RALGPS2: variants seen among roughly 807,000 people sequenced by gnomAD.
The protein encoded by RALGPS2 is ras-specific guanine nucleotide-releasing factor RalGPS2.
RALGPS2 carries 43 observed loss-of-function variants against 86.8 expected under a neutral mutation model. The observed-to-expected ratio is 0.50, with a 90% CI of 0.39 to 0.64. RALGPS2 has a LOEUF of 0.64. Among genes scored for constraint, RALGPS2 ranks in the 30% least tolerant of loss-of-function variants. RALGPS2 has a pLI of 0.00. For synonymous variants in RALGPS2, 243 were observed against 231.3 expected, an observed-to-expected ratio of 1.05 and a Z score of -0.46; for missense variants, 536 against 694.6, an observed-to-expected ratio of 0.77 and a Z score of 2.57.
intron 6 of RALGPS2, among the ~76,000 whole-genome samples, chr1:178,813,825 A>G: frequency 6.6e-6 from 1 of 152,188 alleles, no homozygotes; most frequent in South Asian, 2.1e-4. Context: ...CACATTATCA[A>G]GTGGAATCTC....
intron 14 of RALGPS2, among the ~76,000 whole-genome samples, chr1:178,890,892 A>G (rs1028711009): frequency 6.6e-6 from 1 of 152,036 alleles, no homozygotes; most frequent in Non-Finnish European, 1.5e-5. Context: ...CTGAAATGTG[A>G]AAAACACAAG....
At chr1:178,735,527 A>C (rs1350649370) in intron 1 of RALGPS2, among the ~76,000 whole-genome samples, 1 of 148,462 alleles carries the variant, frequency 6.7e-6, no homozygotes, top group Non-Finnish European at 1.5e-5. Flanking sequence ...TGCTTCAAGC[A>C]GTTCTCCTGC....
chr1:178,899,432 T>A (rs954575519), intron 17 of RALGPS2, among the ~76,000 whole-genome samples: 20 of 151,786 alleles, frequency 1.3e-4, no homozygotes, highest in African/African-American at 4.8e-4. Context: ...CAGGTCTATA[T>A]CTATATTTGG....
At chr1:178,871,172 C>T (rs1246139349) in intron 8 of RALGPS2, 3 of 151,890 alleles carry the variant, frequency 2.0e-5, no homozygotes, top group African/African-American at 7.3e-5. Context: ...GCGGGAATCT[C>T]CTTAGGATTT....
chr1:178,770,406 A>G (rs1488924529), intron 1 of RALGPS2, among the ~76,000 whole-genome samples: 2 of 152,080 alleles, frequency 1.3e-5, no homozygotes, highest in Non-Finnish European at 2.9e-5. Context: ...TGTTGGGGGG[A>G]AAAAGATGCC....
intron 1 of RALGPS2, among the ~76,000 whole-genome samples, chr1:178,740,465 A>G (rs572721948): frequency 6.6e-6 from 1 of 152,328 alleles, no homozygotes; most frequent in Admixed American, 6.5e-5. Context: ...GAGTTAATTT[A>G]CCATTGAACC....
At chr1:178,869,445 G>T (rs1220384468) in intron 8 of RALGPS2, among the ~76,000 whole-genome samples, 1 of 152,062 alleles carries the variant, frequency 6.6e-6, no homozygotes, top group African/African-American at 2.4e-5. Context: ...TTTAAGAAAA[G>T]GATAAATAGT....
In RALGPS2 at chr1:178,783,222, G is replaced by A. The variant is rs183632319; in HGVS notation, c.58-1196G>A. ...GTGACAAAAACGAAGAATGCCTTTG[G>A]TGAGCTAACCAGTACCAGTAGACTG... On this transcript the variant is annotated intron_variant, in intron 2 of 19. Transcript: ENST00000367635. Among the ~76,000 whole-genome samples, 410 of 152,278 alleles carry A rather than the reference G, an allele frequency of 2.7e-3. 2 individuals are homozygous for A. Among genetic ancestry groups the A allele is most frequent in the Admixed American group, 5.2e-3 (80 of 15,296 alleles).
In RALGPS2 at chr1:178,849,122, C is replaced by G. The variant is rs542847933; in HGVS notation, c.607+15572C>G. On this transcript the variant is annotated intron_variant, in intron 8 of 19. Transcript: ENST00000367635. The stretch of plus-strand genomic sequence containing the variant: ...ATTTGATCGTCACAAAAACCACGAG[C>G]TAGATATTCTTATTATACCCCATTT... Among the ~76,000 whole-genome samples, 28 of 152,264 alleles carry G rather than the reference C, an allele frequency of 1.8e-4. No individual in the cohort carries two copies. In the South Asian group the frequency reaches 4.1e-3, roughly 23 times the overall value.
At chr1:178,740,371 G>T (rs148796174) in intron 1 of RALGPS2, among the ~76,000 whole-genome samples, 148 of 152,290 alleles carry the variant, frequency 9.7e-4, no homozygotes, top group African/African-American at 3.1e-3. Flanking sequence ...GCAGTGGATT[G>T]GTCCAGCAGT....
rs960504398 is a variant in RALGPS2, at chr1:178,894,982, T to C, written c.1431+958T>C. On this transcript the variant is annotated intron_variant, in intron 16 of 19. Transcript: ENST00000367635. ...GGAATTTGATTGTGTTTTATCATTT[T>C]ATTTAAATTCCTGTAATACAGTTTT... Among the ~76,000 whole-genome samples, 4 of 152,210 alleles carry C rather than the reference T, an allele frequency of 2.6e-5. No individual in the cohort carries two copies. In the East Asian group the frequency reaches 7.7e-4, roughly 29 times the overall value.
intron 4 of RALGPS2, among the ~76,000 whole-genome samples, chr1:178,793,550 A>AAT (rs1654057048): frequency 6.6e-6 from 1 of 151,772 alleles, no homozygotes; most frequent in South Asian, 2.1e-4. Flanking sequence ...CGGGAGTCTT[A>AAT]ATAGGTGATA....
intron 10 of RALGPS2, chr1:178,879,391 A>C (rs1659135959): frequency 6.5e-6 from 1 of 154,394 alleles, no homozygotes; most frequent in Non-Finnish European, 1.4e-5. Flanking sequence ...TTTGTTTTTC[A>C]TTGTTTTTGC....
At chr1:178,741,731 G>A (rs1651035137) in intron 1 of RALGPS2, among the ~76,000 whole-genome samples, 1 of 151,990 alleles carries the variant, frequency 6.6e-6, no homozygotes, top group African/African-American at 2.4e-5. Context: ...TCAGAAGAAA[G>A]CATAAAAAGA....
chr1:178,746,675 C>A lies in RALGPS2; in HGVS notation c.-84+21256C>A. On this transcript the variant is annotated intron_variant, in intron 1 of 19. Transcript: ENST00000367635. ...TTATAGCTGCAGAATATTCTCAAGT[C>A]ATGAATATTAGGTATCTGTCAATCT... 6 of 772,292 alleles carry A rather than the reference C, an allele frequency of 7.8e-6. No homozygotes were observed. The South Asian group carries it at 8.1e-5, about 10-fold the overall frequency. 47.8% of individuals were successfully genotyped at this position (772,292 alleles called of 1,614,324 possible). A position where few individuals can be genotyped will look rare whatever the true frequency, so the allele number is the denominator to read the frequency against.
chr1:178,750,236 T>C (rs946824668), intron 1 of RALGPS2, among the ~76,000 whole-genome samples: 2 of 152,248 alleles, frequency 1.3e-5, no homozygotes, highest in Non-Finnish European at 2.9e-5. Flanking sequence ...TTGCAGGCCA[T>C]GCAAGTCTCT....
At position 178,917,782 on chromosome 1, in the gene RALGPS2, C is replaced by T. The variant is rs1292572011; in HGVS notation, c.*1423C>T. On this transcript the variant is annotated 3_prime_UTR_variant, in exon 20 of 20. Transcript: ENST00000367635. The stretch of plus-strand genomic sequence containing the variant: ...ATGAAAAATGACACTCAAACAAAGG[C>T]TATATGTCGAATGTTATAAACTCTT... 6.6e-6 allele frequency: 1 copy of T among 152,052 alleles called. No individual in the cohort carries two copies. Among genetic ancestry groups the T allele is most frequent in the African/African-American group, 2.4e-5 (1 of 41,404 alleles). The allele number at this position is 152,052 out of a possible 1,614,324, so 9.4% of individuals were successfully genotyped here. A position where few individuals can be genotyped will look rare whatever the true frequency, so the allele number is the denominator to read the frequency against.
intron 17 of RALGPS2, 29 bp downstream of exon 17, chr1:178,897,785 G>A (rs376659657): frequency 1.7e-5 from 27 of 1,576,670 alleles, no homozygotes; most frequent in Middle Eastern, 3.3e-4. Context: ...CATTTTTAGC[G>A]TGGTTTCCCA....
chr1:178,872,458 G>A (rs891990294), intron 8 of RALGPS2, among the ~76,000 whole-genome samples: 9 of 152,150 alleles, frequency 5.9e-5, no homozygotes, highest in Non-Finnish European at 1.0e-4. Flanking sequence ...AATTTAAAGG[G>A]ATCTGCCTGC....
Sources: allele counts gnomAD v4.1 joint callset (sites outside exome capture counted in the v4.1 genomes callset), GRCh38; gene constraint gnomAD v4.1.1; transcripts MANE v1.5; gene names NCBI Gene and HGNC (gene_info 2026-07-23, HGNC 2026-07-21).